Variants in DLGAP2 observed in about 807,000 individuals in gnomAD.
DLGAP2 encodes the protein disks large-associated protein 2.
Under a neutral mutation model 100.3 loss-of-function variants are expected in DLGAP2, and 26 were observed. The ratio of observed to expected loss-of-function variants is 0.26; its 90% CI spans 0.19 to 0.36. The LOEUF is 0.36. Among genes scored for constraint, DLGAP2 ranks in the 10% least tolerant of loss-of-function variants. DLGAP2 has a pLI of 1.00. For missense variants in DLGAP2, 1,858 were observed against 1,453.2 expected, an observed-to-expected ratio of 1.28 and a Z score of -4.53; for synonymous variants, 886 against 630.1, an observed-to-expected ratio of 1.41 and a Z score of -6.08.
chr8:977,546 T>C (rs1394399548), intron 2 of DLGAP2, among the ~76,000 whole-genome samples: 1 of 152,252 alleles, frequency 6.6e-6, no homozygotes, highest in Non-Finnish European at 1.5e-5. Context: ...TTTTGGGTAC[T>C]TATTTTTGAA....
At chr8:1,391,332 G>A (rs192556758) in intron 3 of DLGAP2, among the ~76,000 whole-genome samples, 3 of 152,310 alleles carry the variant, frequency 2.0e-5, no homozygotes, top group East Asian at 3.9e-4. Flanking sequence ...CCTGCAGAAC[G>A]ACCTGGCAGT....
rs920425113 is a variant in DLGAP2, at chr8:1,706,773, C to G, written c.*5367C>G. ...GAAAACCGCATGGGTGGGGAAACAT[C>G]AGGAACGAAATCAGACACACTGACT... is the stretch of plus-strand genomic sequence containing the variant. On this transcript the variant is annotated 3_prime_UTR_variant, in exon 15 of 15. Coordinates refer to ENST00000637795, the MANE Select transcript of DLGAP2 (RefSeq NM_001346810.2). 1.3e-5 allele frequency: 2 copies of G among 152,102 alleles called. No homozygotes were observed. Among genetic ancestry groups the G allele is most frequent in the African/African-American group, 2.4e-5 (1 of 41,420 alleles). The allele number at this position is 152,102 out of a possible 1,614,324, so 9.4% of individuals were successfully genotyped here.
chr8:1,276,046 A>T (rs1799686655), intron 3 of DLGAP2, among the ~76,000 whole-genome samples: 1 of 139,524 alleles, frequency 7.2e-6, no homozygotes, highest in Non-Finnish European at 1.5e-5. Context: ...ACGTATAAAA[A>T]TATATAATAT....
At chr8:1,492,169 A>G (rs1197692570) in intron 3 of DLGAP2, among the ~76,000 whole-genome samples, 6 of 152,222 alleles carry the variant, frequency 3.9e-5, no homozygotes, top group Non-Finnish European at 8.8e-5. Context: ...TCGGTCCAAA[A>G]TAAAATTACG....
chr8:1,496,874 C>A (rs746189912), intron 3 of DLGAP2, among the ~76,000 whole-genome samples: 1 of 152,158 alleles, frequency 6.6e-6, no homozygotes. Context: ...CAAGGAAGCA[C>A]CAGGGCACAG....
Position 756,449 on chromosome 8 carries a change from A to G in DLGAP2, c.18+18624A>G, listed in dbSNP as rs139790052. Among the ~76,000 whole-genome samples the G allele has an allele frequency of 5.6e-4, 86 of 152,342 alleles. 1 individual carries two copies. Among genetic ancestry groups the G allele is most frequent in the Middle Eastern group, 3.4e-3 (1 of 294 alleles). On this transcript the variant is annotated intron_variant, in intron 1 of 14. Transcript: ENST00000637795. ...TAGCACAGATGCAATCTTATATATT[A>G]GAGAAGATTTTAAGACACAATAAAA... is the stretch of plus-strand genomic sequence containing the variant.
chr8:945,216 C>T (rs1369062650), intron 2 of DLGAP2, among the ~76,000 whole-genome samples: 1 of 152,146 alleles, frequency 6.6e-6, no homozygotes, highest in Non-Finnish European at 1.5e-5. Context: ...TGTTTTAAAT[C>T]CAAGGCACCA....
At chr8:965,665 C>CCTG in intron 2 of DLGAP2, among the ~76,000 whole-genome samples, 1 of 145,580 alleles carries the variant, frequency 6.9e-6, no homozygotes, top group African/African-American at 2.6e-5. Context: ...GAGTCTGACC[C>CCTG]CGCACTGCAC....
At chr8:953,528 A>T (rs1200681165) in intron 2 of DLGAP2, among the ~76,000 whole-genome samples, 2 of 152,230 alleles carry the variant, frequency 1.3e-5, no homozygotes, top group East Asian at 3.8e-4. Flanking sequence ...TTGGAAGCTT[A>T]AATTTGATCA....
At chr8:830,054 T>C (rs1563053642) in intron 1 of DLGAP2, among the ~76,000 whole-genome samples, 1 of 152,242 alleles carries the variant, frequency 6.6e-6, no homozygotes, top group East Asian at 1.9e-4. Context: ...TGGAGATTTT[T>C]AAAGATCTTC....
chr8:1,038,928 A>T (rs942406076), intron 2 of DLGAP2, among the ~76,000 whole-genome samples: 1 of 152,230 alleles, frequency 6.6e-6, no homozygotes, highest in African/African-American at 2.4e-5. Flanking sequence ...CATCCATTTG[A>T]ATTGGATGCT....
chr8:1,481,901 C>G lies in DLGAP2; in HGVS notation c.107-19465C>G, dbSNP rs146596207. Among the ~76,000 whole-genome samples, 1,428 of 152,322 alleles carry G rather than the reference C, an allele frequency of 9.4e-3. 30 individuals carry two copies. Among genetic ancestry groups the G allele is most frequent in the African/African-American group, 0.033 (1,380 of 41,568 alleles). ...CAGTGGGTTGATCATGTCTCAGGCT[C>G]AAGCTTCCAGCCCGACCCGATTATC... On this transcript the variant is annotated intron_variant, in intron 3 of 14. Coordinates refer to ENST00000637795, the MANE Select transcript of DLGAP2 (RefSeq NM_001346810.2).
At chr8:1,482,715 C>T (rs1278360139) in intron 3 of DLGAP2, among the ~76,000 whole-genome samples, 1 of 152,228 alleles carries the variant, frequency 6.6e-6, no homozygotes, top group Non-Finnish European at 1.5e-5. Flanking sequence ...ACCTGGGATG[C>T]GCTTCCTTCC....
intron 1 of DLGAP2, among the ~76,000 whole-genome samples, chr8:757,958 G>C (rs940172279): frequency 6.6e-6 from 1 of 152,184 alleles, no homozygotes; most frequent in Admixed American, 6.5e-5. Context: ...CAAGTGTGTG[G>C]GGTTGAGTCC....
intron 3 of DLGAP2, among the ~76,000 whole-genome samples, chr8:1,468,253 C>T (rs1289056923): frequency 6.6e-6 from 1 of 150,916 alleles, no homozygotes; most frequent in Non-Finnish European, 1.5e-5. Context: ...GAATTGTGCC[C>T]TGTTCACACA....
intron 3 of DLGAP2, among the ~76,000 whole-genome samples, chr8:1,424,701 A>G (rs112330194): frequency 3.1e-4 from 47 of 152,338 alleles, no homozygotes; most frequent in African/African-American, 1.0e-3. Context: ...AGATGCACAG[A>G]CAGAAGGCCG....
chr8:1,144,845 G>GCAGACGGCCTGTACCCACAGTCAA (rs1796578926), intron 2 of DLGAP2, among the ~76,000 whole-genome samples: 1 of 55,118 alleles, frequency 1.8e-5, no homozygotes, highest in African/African-American at 4.5e-5. Flanking sequence ...CCCACAGTCA[G>GCAGACGGCCTGTACCCACAGTCAA]ACCGCAGACG....
At chr8:1,362,131 G>T (rs997547284) in intron 3 of DLGAP2, among the ~76,000 whole-genome samples, 1 of 152,126 alleles carries the variant, frequency 6.6e-6, no homozygotes, top group African/African-American at 2.4e-5. Context: ...CCAATTCTGT[G>T]ATCTGAGCCT....
At chr8:1,287,265 C>CGTGTGT (rs1169216188) in intron 3 of DLGAP2, among the ~76,000 whole-genome samples, 1 of 32,486 alleles carries the variant, frequency 3.1e-5, no homozygotes. Flanking sequence ...TTTAGTTCAG[C>CGTGTGT]GTGTGTGTGT....
Sources: allele counts gnomAD v4.1 joint callset (sites outside exome capture counted in the v4.1 genomes callset), GRCh38; gene constraint gnomAD v4.1.1; transcripts MANE v1.5; gene names NCBI Gene and HGNC (gene_info 2026-07-23, HGNC 2026-07-21).